Variants in TRPM3 observed in about 807,000 individuals in gnomAD.
TRPM3 encodes long transient receptor potential channel 3.
TRPM3 carries 77 observed loss-of-function variants against 181.2 expected under a neutral mutation model. The observed-to-expected ratio is 0.42, with a 90% CI of 0.35 to 0.51. The LOEUF is 0.51. Ranked by LOEUF, TRPM3 falls within the 20% of genes least tolerant of loss-of-function variation. The pLI is 0.01. For synonymous variants in TRPM3, 745 were observed against 796.4 expected, an observed-to-expected ratio of 0.94 and a Z score of 1.09; for missense variants, 1,759 against 2,196.7, an observed-to-expected ratio of 0.80 and a Z score of 3.98.
intron 9 of TRPM3, among the ~76,000 whole-genome samples, chr9:70,670,522 G>A (rs1035427582): frequency 1.3e-5 from 2 of 152,208 alleles, no homozygotes; most frequent in Non-Finnish European, 2.9e-5. Context: ...TTTTAAGGTA[G>A]CTTAGCATGT....
In TRPM3 at chr9:71,162,692, T is replaced by C. The variant is rs763538666; in HGVS notation, c.183+283961A>G. Among the ~76,000 whole-genome samples, 87 of 152,222 alleles carry C rather than the reference T, an allele frequency of 5.7e-4. 1 individual carries two copies. The highest frequency in any genetic ancestry group is 5.9e-4 in the Admixed American group (9 of 15,276). The stretch of plus-strand genomic sequence containing the variant: ...TTATTTATGATATTTCATTCATTTA[T>C]ATATTAATCATTTATTTAATAAACT... On this transcript the variant is annotated intron_variant, in intron 1 of 24. Coordinates refer to the TRPM3 transcript ENST00000357533.
rs375256117 is a variant in TRPM3 at position 70,625,221 on chromosome 9, G to C, written c.1779C>G (p.Thr593=). 93 of 1,613,918 alleles carry C rather than the reference G, an allele frequency of 5.8e-5. No homozygotes were observed. Among genetic ancestry groups the C allele is most frequent in the Non-Finnish European group, 7.2e-5 (85 of 1,180,006 alleles). The change falls in exon 14 of 26, where the codon ACC becomes ACG. Residue 593 remains threonine, a synonymous_variant. Coordinates refer to ENST00000677713, the MANE Select transcript of TRPM3 (RefSeq NM_001366145.2). The surrounding 1 kb of genome is among the most constrained non-coding windows in gnomAD (Gnocchi z 4.8). ...RCNYTRKRFR[T]LYHNLFGPKR... ...TGGGGCCGAAGAGGTTGTGGTAGAG[G>C]GTCCGGAAGCGCTTGCGCGTGTAGT...
intron 1 of TRPM3, among the ~76,000 whole-genome samples, chr9:71,313,517 T>G (rs569256234): frequency 1.3e-5 from 2 of 152,276 alleles, no homozygotes; most frequent in Non-Finnish European, 1.5e-5. Context: ...ATAAATCACA[T>G]CATATTTTAA....
chr9:71,362,407 G>T (rs2092186781), intron 1 of TRPM3, among the ~76,000 whole-genome samples: 1 of 152,178 alleles, frequency 6.6e-6, no homozygotes, highest in Non-Finnish European at 1.5e-5. Context: ...AGCAAGAAGG[G>T]TGTTGGTGCT....
chr9:71,111,263 A>T (rs1259862260), intron 1 of TRPM3, among the ~76,000 whole-genome samples: 1 of 152,208 alleles, frequency 6.6e-6, no homozygotes, highest in African/African-American at 2.4e-5. Context: ...TGAAAAAGAA[A>T]GTGTGTCTAA....
chr9:70,851,532 G>T (rs780666500), intron 3 of TRPM3, among the ~76,000 whole-genome samples: 1 of 152,168 alleles, frequency 6.6e-6, no homozygotes, highest in Non-Finnish European at 1.5e-5. Context: ...AATGAAAAGG[G>T]TCTACTTATT....
chr9:71,210,331 C>G (rs2079412139), intron 1 of TRPM3, among the ~76,000 whole-genome samples: 1 of 152,186 alleles, frequency 6.6e-6, no homozygotes, highest in African/African-American at 2.4e-5. Flanking sequence ...ATTCTACATT[C>G]TGGTGAGTTG....
Position 70,676,027 on chromosome 9 carries a change from G to T in TRPM3, c.1345+5479C>A, listed in dbSNP as rs539193045. ...AGGAACCCATTCAAGAAACCACATT[G>T]TTCCTGCTGTGACAATTTCTCAGGC... On this transcript the variant is annotated intron_variant, in intron 9 of 25. Transcript: ENST00000677713. Among the ~76,000 whole-genome samples the T allele has an allele frequency of 2.1e-3, 324 of 152,228 alleles. 1 individual carries two copies. Among genetic ancestry groups the T allele is most frequent in the African/African-American group, 7.5e-3 (311 of 41,530 alleles).
chr9:70,675,371 C>T (rs1211054671), intron 9 of TRPM3, among the ~76,000 whole-genome samples: 1 of 152,206 alleles, frequency 6.6e-6, no homozygotes, highest in Non-Finnish European at 1.5e-5. Context: ...GCTGGGATTA[C>T]AGGTGTGAGA....
At position 70,536,623 on chromosome 9, in the gene TRPM3, G is replaced by A. The variant is rs540473130; in HGVS notation, c.4490C>T (p.Pro1497Leu). 1 of 1,614,080 alleles carries A rather than the reference G, an allele frequency of 6.2e-7. No individual in the cohort carries two copies. The highest frequency in any genetic ancestry group is 1.7e-5 in the Admixed American group (1 of 60,018). The change falls in exon 26 of 26, where the codon CCC (proline) becomes CTC (leucine). Residue 1497 changes from proline to leucine, a missense_variant. By Grantham distance (98) the Pro-to-Leu change is moderately conservative. This residue lies in a region of TRPM3 where 612 missense variants were observed against 590.0 expected (regional missense o/e 1.04). Coordinates refer to ENST00000677713, the MANE Select transcript of TRPM3 (RefSeq NM_001366145.2). ...GTACATCGGAGGCTCTGAGTCCCAG[G>A]GGTTTTGGCATTCTGGGAGGTGGGT... ...DYTHLPECQNPWDSEPPMYHT... is the reference protein window; with the variant it reads ...DYTHLPECQNLWDSEPPMYHT...
At chr9:71,011,210 A>T (rs2097735253) in intron 1 of TRPM3, among the ~76,000 whole-genome samples, 1 of 152,148 alleles carries the variant, frequency 6.6e-6, no homozygotes. Context: ...ACAAGGTTAC[A>T]AGTTTCTGGT....
intron 1 of TRPM3, among the ~76,000 whole-genome samples, chr9:71,100,231 AT>A: frequency 6.6e-6 from 1 of 152,244 alleles, no homozygotes; most frequent in South Asian, 2.1e-4. Context: ...ACTCAGGAAA[AT>A]TTTGTTAGTC....
At chr9:70,813,739 C>T (rs564497550) in intron 6 of TRPM3, among the ~76,000 whole-genome samples, 1 of 152,342 alleles carries the variant, frequency 6.6e-6, no homozygotes, top group South Asian at 2.1e-4. Context: ...GTGGTTGAGG[C>T]ATGGGCTAAG....
At chr9:70,909,915 A>G (rs1302744745) in intron 1 of TRPM3, among the ~76,000 whole-genome samples, 2 of 152,220 alleles carry the variant, frequency 1.3e-5, no homozygotes, top group African/African-American at 4.8e-5. Context: ...TGAAGTATTG[A>G]TAAGGAAGAG....
upstream of TRPM3, chr9:71,446,859 G>A: frequency 1.3e-6 from 2 of 1,528,180 alleles, no homozygotes; most frequent in Middle Eastern, 1.8e-4. Context: ...CCCTCGGCCG[G>A]GAAACAGCCC....
intron 1 of TRPM3, among the ~76,000 whole-genome samples, chr9:71,179,846 T>C (rs1431189148): frequency 6.6e-6 from 1 of 152,086 alleles, no homozygotes. Flanking sequence ...CCTAATGAAA[T>C]CTGCCTCCAA....
intron 22 of TRPM3, among the ~76,000 whole-genome samples, chr9:70,581,303 A>C (rs1255495976): frequency 6.6e-6 from 1 of 152,258 alleles, no homozygotes; most frequent in Non-Finnish European, 1.5e-5. Context: ...GCAAGCACTC[A>C]TCTTGAACCT....
chr9:70,679,429 A>G (rs2064863096), intron 9 of TRPM3, among the ~76,000 whole-genome samples: 1 of 152,226 alleles, frequency 6.6e-6, no homozygotes, highest in African/African-American at 2.4e-5. Flanking sequence ...TGAGAGAGGA[A>G]GAAAGTATTT....
At chr9:71,345,395 G>A (rs1307102446) in intron 1 of TRPM3, among the ~76,000 whole-genome samples, 1 of 152,122 alleles carries the variant, frequency 6.6e-6, no homozygotes, top group Non-Finnish European at 1.5e-5. Context: ...ATACATCATG[G>A]AATACTATGC....
Sources: allele counts gnomAD v4.1 joint callset (sites outside exome capture counted in the v4.1 genomes callset), GRCh38; gene constraint gnomAD v4.1.1; regional missense constraint gnomAD v4.1.1; non-coding constraint Gnocchi (gnomAD v3.1); transcripts MANE v1.5; gene names NCBI Gene and HGNC (gene_info 2026-07-23, HGNC 2026-07-21).